HGF: variants seen among roughly 807,000 people sequenced by gnomAD.
The protein encoded by HGF is fibroblast-derived tumor cytotoxic factor.
Under a neutral mutation model 111.6 loss-of-function variants are expected in HGF, and 39 were observed. The ratio of observed to expected loss-of-function variants is 0.35; its 90% confidence interval spans 0.27 to 0.46. The LOEUF is 0.46. Ranked by LOEUF, HGF falls within the 20% of genes least tolerant of loss-of-function variation. HGF has a pLI of 1.00. For missense variants in HGF, 735 were observed against 910.5 expected, an observed-to-expected ratio of 0.81 and a Z score of 2.48; for synonymous variants, 285 against 294.8, an observed-to-expected ratio of 0.97 and a Z score of 0.34.
In HGF at chr7:81,729,923, A is replaced by G. The variant is rs898465449; in HGVS notation, c.866-144T>C. The G allele has an allele frequency of 8.9e-5, 58 of 654,002 alleles. No homozygotes were observed. In the African/African-American group the frequency reaches 1.0e-3, roughly 11 times the overall value. 40.5% of individuals were successfully genotyped at this position (654,002 alleles called of 1,614,324 possible). A position where few individuals can be genotyped will look rare whatever the true frequency, so the allele number is the denominator to read the frequency against. The stretch of plus-strand genomic sequence containing the variant: ...TTTTATAATAATTGAGTGGAATAAG[A>G]AATTTAACTTAACATTATTACTAAC... On this transcript the variant is annotated intron_variant, in intron 7 of 17. Coordinates refer to ENST00000222390, the MANE Select transcript of HGF (RefSeq NM_000601.6).
intron 1 of HGF, 162 bp from the exon 2 acceptor site, chr7:81,763,034 G>C: frequency 1.7e-6 from 1 of 600,904 alleles, no homozygotes; most frequent in Non-Finnish European, 2.9e-6. Context: ...GAATAGTTAA[G>C]AGAAAGAGAG....
intron 7 of HGF, chr7:81,742,818 A>C (rs1204979879): frequency 1.9e-6 from 3 of 1,560,732 alleles, no homozygotes; most frequent in South Asian, 2.4e-5. Context: ...AAAGACAGCG[A>C]GAGAGGTAGG....
In HGF at chr7:81,710,210, A is replaced by C; in HGVS notation, c.1478T>G (p.Leu493Trp). ...PVISCAKTKQ[L>W]RVVNGIPTRT... ...TGTTGGAATCCCATTTACAACTCGCAATTGTTTCGTTTTGGCACAAGATAT... is the reference window on the plus strand; with the variant it reads ...TGTTGGAATCCCATTTACAACTCGCCATTGTTTCGTTTTGGCACAAGATAT... The change falls in exon 13 of 18, where the codon TTG (leucine) becomes TGG (tryptophan). Residue 493 changes from leucine to tryptophan, a missense_variant. By Grantham distance (61) the Leu-to-Trp change is moderately conservative. This residue lies in a region of HGF where 553 missense variants were observed against 685.6 expected (regional missense o/e 0.81). Coordinates refer to ENST00000222390, the MANE Select transcript of HGF (RefSeq NM_000601.6). 1 of 1,613,732 alleles carries C rather than the reference A, an allele frequency of 6.2e-7. No individual in the cohort carries two copies. Among genetic ancestry groups the C allele is most frequent in the Non-Finnish European group, 8.5e-7 (1 of 1,179,682 alleles).
At chr7:81,746,136 A>G (rs1400959803) in intron 5 of HGF, among the ~76,000 whole-genome samples, 3 of 152,230 alleles carry the variant, frequency 2.0e-5, no homozygotes, top group Non-Finnish European at 4.4e-5. Flanking sequence ...ATTTGGGATT[A>G]TAGTATTAGA....
At position 81,751,879 on chromosome 7, in the gene HGF, G is replaced by A. The variant is rs5745647; in HGVS notation, c.625+241C>T. ...CCCTCTCTTTCACTTTCCCCAGAGG[G>A]ATGTCTCAGGCAGTGTTGAAATTCA... On this transcript the variant is annotated intron_variant, in intron 5 of 17. Coordinates refer to ENST00000222390, the MANE Select transcript of HGF (RefSeq NM_000601.6). 3,265 of 1,347,750 alleles carry A rather than the reference G, an allele frequency of 2.4e-3. 73 individuals carry two copies. In the African/African-American group the frequency reaches 0.044, roughly 18 times the overall value. 83.5% of individuals were successfully genotyped at this position (1,347,750 alleles called of 1,614,324 possible).
chr7:81,740,852 T>C (rs1415117331), intron 7 of HGF, among the ~76,000 whole-genome samples: 1 of 152,184 alleles, frequency 6.6e-6, no homozygotes, highest in East Asian at 1.9e-4. Context: ...TCAGGACCTT[T>C]TGAGACCCTA....
intron 1 of HGF, among the ~76,000 whole-genome samples, chr7:81,764,870 A>G (rs1450578320): frequency 6.6e-6 from 1 of 152,034 alleles, no homozygotes; most frequent in Non-Finnish European, 1.5e-5. Flanking sequence ...TTATTACACT[A>G]TTTCTAAGGT....
intron 7 of HGF, among the ~76,000 whole-genome samples, chr7:81,740,326 A>G (rs1166905187): frequency 3.9e-5 from 6 of 152,168 alleles, no homozygotes; most frequent in Non-Finnish European, 7.3e-5. Context: ...CCAGTTAATG[A>G]TACGAATAAA....
chr7:81,730,645 A>G (rs1184467021), intron 7 of HGF, among the ~76,000 whole-genome samples: 1 of 152,080 alleles, frequency 6.6e-6, no homozygotes, highest in Non-Finnish European at 1.5e-5. Flanking sequence ...AAGTAATAAA[A>G]GTATAAAATT....
intron 4 of HGF, among the ~76,000 whole-genome samples, chr7:81,754,864 C>A (rs3336): frequency 1.7e-4 from 26 of 152,156 alleles, no homozygotes; most frequent in Admixed American, 1.3e-4. Context: ...CCATTACACA[C>A]AAAGCATGTG....
chr7:81,751,940 G>A (rs1201667933), intron 5 of HGF, 180 bp downstream of exon 5: 1 of 1,418,430 alleles, frequency 7.1e-7, no homozygotes, highest in African/African-American at 1.4e-5. Context: ...GCATTAATCT[G>A]GTGATAATCC....
chr7:81,757,749 A>G (rs1788852050), intron 3 of HGF, among the ~76,000 whole-genome samples: 1 of 152,108 alleles, frequency 6.6e-6, no homozygotes, highest in African/African-American at 2.4e-5. Context: ...ATGCATATGC[A>G]TGAGGTAGCT....
At chr7:81,714,652 T>A (rs549760804) in intron 11 of HGF, among the ~76,000 whole-genome samples, 6 of 152,220 alleles carry the variant, frequency 3.9e-5, no homozygotes, top group Admixed American at 1.3e-4. Context: ...TTTTTATGTT[T>A]GCATATTTGA....
chr7:81,719,521 T>C (rs1324552651), intron 10 of HGF, among the ~76,000 whole-genome samples: 1 of 152,194 alleles, frequency 6.6e-6, no homozygotes, highest in Non-Finnish European at 1.5e-5. Flanking sequence ...ATTTTGAATA[T>C]GGAGCATGAG....
At chr7:81,707,902 C>T (rs1482752937) in intron 13 of HGF, among the ~76,000 whole-genome samples, 2 of 152,016 alleles carry the variant, frequency 1.3e-5, no homozygotes, top group African/African-American at 4.8e-5. Context: ...GAATAAATTA[C>T]TTTGTCCAGT....
chr7:81,767,698 C>T (rs1789433888), intron 1 of HGF, among the ~76,000 whole-genome samples: 1 of 152,122 alleles, frequency 6.6e-6, no homozygotes, highest in South Asian at 2.1e-4. Context: ...AAAGTATCTC[C>T]ATAGTGTATT....
intron 7 of HGF, among the ~76,000 whole-genome samples, chr7:81,734,475 G>C (rs970512260): frequency 1.3e-5 from 2 of 152,098 alleles, no homozygotes; most frequent in African/African-American, 2.4e-5. Flanking sequence ...CACTTTGCTG[G>C]TGTGGTTGTG....
chr7:81,722,588 G>A (rs1789892775), intron 9 of HGF, among the ~76,000 whole-genome samples: 1 of 151,214 alleles, frequency 6.6e-6, no homozygotes, highest in African/African-American at 2.4e-5. Context: ...TGAGGCAGGT[G>A]GATCACTTGA....
chr7:81,721,152 CAGG>C (rs1472598947), intron 9 of HGF, among the ~76,000 whole-genome samples: 2 of 152,102 alleles, frequency 1.3e-5, no homozygotes, highest in Non-Finnish European at 2.9e-5. Context: ...GAGGCTGAAG[CAGG>C]AGAATGGCGT....
Sources: allele counts gnomAD v4.1 joint callset (sites outside exome capture counted in the v4.1 genomes callset), GRCh38; gene constraint gnomAD v4.1.1; regional missense constraint gnomAD v4.1.1; transcripts MANE v1.5; gene names NCBI Gene and HGNC (gene_info 2026-07-23, HGNC 2026-07-21).